The following PRR19 variants were observed in gnomAD, a reference collection of about 807,000 sequenced individuals.
PRR19 encodes proline-rich protein 19.
PRR19 carries 9 observed loss-of-function variants against 19.2 expected under a neutral mutation model. The ratio of observed to expected loss-of-function variants is 0.47; its 90% CI spans 0.28 to 0.82. The LOEUF (loss-of-function observed/expected upper bound fraction) is 0.82. Ranked by LOEUF, PRR19 falls within the 40% of genes least tolerant of loss-of-function variation. The pLI is 0.11. For synonymous variants in PRR19, 190 were observed against 191.0 expected (o/e 0.99, Z 0.04); for missense variants, 457 against 466.0 (o/e 0.98, Z 0.18).
intron 1 of PRR19, chr19:42,306,999 C>T (rs2038714658): frequency 6.6e-6 from 1 of 152,278 alleles, no homozygotes; most frequent in South Asian, 2.1e-4. Context: ...GAGCTGGGGT[C>T]ACCGCGGAAA....
At chr19:42,302,575 G>T (rs757055548) in intron 1 of PRR19, 72 bp downstream of exon 1, 1 of 445,458 alleles carries the variant, frequency 2.2e-6, no homozygotes, top group South Asian at 3.0e-5. Flanking sequence ...CTTCCCGCTC[G>T]GGCCGCTGAC....
At chr19:42,308,359 T>C (rs1053483598) in intron 1 of PRR19, among the ~76,000 whole-genome samples, 10 of 150,542 alleles carry the variant, frequency 6.6e-5, no homozygotes, top group Non-Finnish European at 1.5e-5. Context: ...CCCTAGCAGC[T>C]GGGACTACAG....
Position 42,310,770 on chromosome 19 carries a change from A to G in PRR19, c.*30A>G, listed in dbSNP as rs1309187620. ...AGGCTGAGGCTAGGGCTGGGGACAG[A>G]TATCTTGTACTCCCAGTGACCTCAA... is the stretch of plus-strand genomic sequence containing the variant. On this transcript the variant is annotated 3_prime_UTR_variant, in exon 3 of 3. Transcript: ENST00000341747. The G allele has an allele frequency of 7.0e-7, 1 of 1,426,970 alleles. No homozygotes were observed. The highest frequency in any genetic ancestry group is 1.4e-5 in the South Asian group (1 of 72,530). The allele number at this position is 1,426,970 out of a possible 1,614,324, so 88.4% of individuals were successfully genotyped here.
chr19:42,306,406 C>T (rs2038707101), intron 1 of PRR19, among the ~76,000 whole-genome samples: 1 of 152,068 alleles, frequency 6.6e-6, no homozygotes, highest in Non-Finnish European at 1.5e-5. Context: ...ATCTCCTGAC[C>T]TCGTGATCCG....
chr19:42,310,791 C>T lies in PRR19; in HGVS notation c.*51C>T. 1 of 1,249,432 alleles carries T rather than the reference C, an allele frequency of 8.0e-7. No individual in the cohort carries two copies. Among genetic ancestry groups the T allele is most frequent in the Non-Finnish European group, 1.1e-6 (1 of 895,566 alleles). 77.4% of individuals were successfully genotyped at this position (1,249,432 alleles called of 1,614,324 possible). A position where few individuals can be genotyped will look rare whatever the true frequency, so the allele number is the denominator to read the frequency against. On this transcript the variant is annotated 3_prime_UTR_variant, in exon 3 of 3. Coordinates refer to ENST00000341747, the MANE Select transcript of PRR19 (RefSeq NM_199285.3). ...ACAGATATCTTGTACTCCCAGTGAC[C>T]TCAATAAAGTACTTTTCATGGTCCT... is the stretch of plus-strand genomic sequence containing the variant.
At position 42,309,808 on chromosome 19, in the gene PRR19, G is replaced by A. The variant is rs1313823645; in HGVS notation, c.224G>A (p.Gly75Asp). The A allele has an allele frequency of 1.2e-6, 2 of 1,614,052 alleles. No individual in the cohort carries two copies. Among genetic ancestry groups the A allele is most frequent in the Non-Finnish European group, 8.5e-7 (1 of 1,179,998 alleles). ...GGCCGGCTGAGCCGGGAGCACCGGG[G>A]TCTCTTCAACCACGAGGTGAAATCC... The part of the protein sequence containing the change: ...TQGRLSREHR[G>D]LFNHEVKSLD... Residue 75 changes from glycine to aspartate, a missense_variant, in exon 2 of 3, where the codon GGT (glycine) becomes GAT (aspartate). Gly to Asp is a moderately conservative substitution (Grantham distance 94). Transcript: ENST00000341747.
At chr19:42,303,581 A>T (rs1166009015) in intron 1 of PRR19, 1 of 152,168 alleles carries the variant, frequency 6.6e-6, no homozygotes, top group East Asian at 1.9e-4. Flanking sequence ...CTTCCCATGT[A>T]TTCATTCCTT....
chr19:42,307,994 T>A (rs1290466644), intron 1 of PRR19, among the ~76,000 whole-genome samples: 2 of 151,634 alleles, frequency 1.3e-5, no homozygotes, highest in East Asian at 3.9e-4. Flanking sequence ...CCTGACCTGG[T>A]GATCCGCCCG....
intron 1 of PRR19, among the ~76,000 whole-genome samples, chr19:42,307,283 T>A (rs1011171507): frequency 3.9e-5 from 6 of 152,144 alleles, no homozygotes; most frequent in South Asian, 2.1e-4. Context: ...GCTCTCCCTC[T>A]CCTGCTTCTC....
Position 42,302,249 on chromosome 19 carries a change from C to G in PRR19, c.-261C>G, listed in dbSNP as rs753821031. The G allele has an allele frequency of 2.5e-6, 4 of 1,602,622 alleles. No individual in the cohort carries two copies. The South Asian group carries it at 4.5e-5, about 18-fold the overall frequency. On this transcript the variant is annotated 5_prime_UTR_variant, in exon 1 of 3. Transcript: ENST00000341747. ...ACGCTCACCAGGGACATCCAGCGCC[C>G]GTCGCCCTGTACGTCCTGCACCGGC...
rs142853505 is a variant in PRR19 at position 42,309,663 on chromosome 19, C to T, written c.79C>T (p.Arg27Trp). The change falls in exon 2 of 3, where the codon CGG becomes TGG. Residue 27 changes from arginine (R) to tryptophan (W), a missense_variant. Physicochemically the swap from Arg to Trp is moderately radical, Grantham distance 101. Coordinates refer to ENST00000341747, the MANE Select transcript of PRR19 (RefSeq NM_199285.3). ...PGRVRRRKTRRERNKALVGSR... is the reference protein window; with the variant it reads ...PGRVRRRKTRWERNKALVGSR... ...TCGTGTCCGTCGTCGGAAGACTAGG[C>T]GGGAACGTAACAAGGCCCTGGTGGG... is the stretch of plus-strand genomic sequence containing the variant. The T allele has an allele frequency of 5.7e-6, 9 of 1,592,644 alleles. No homozygotes were observed. The highest frequency in any genetic ancestry group is 1.7e-5 in the Admixed American group (1 of 57,882).
In PRR19 at chr19:42,310,030, C is replaced by T. The variant is rs1308980279; in HGVS notation, c.446C>T (p.Ala149Val). The T allele has an allele frequency of 2.5e-6, 4 of 1,614,040 alleles. No individual in the cohort carries two copies. In the South Asian group the frequency reaches 4.4e-5, roughly 18 times the overall value. The change falls in exon 2 of 3, where the codon GCA becomes GTA. Residue 149 changes from alanine (A) to valine (V), a missense_variant. By Grantham distance (64) the Ala-to-Val change is moderately conservative (BLOSUM62 0). Coordinates refer to ENST00000341747, the MANE Select transcript of PRR19 (RefSeq NM_199285.3). ...TTGTCTGGCGTGGGGCAGCTGCTGGCAGAGCTGCAGTGTCAGCTGAGTTTG... is the reference window on the plus strand; with the variant it reads ...TTGTCTGGCGTGGGGCAGCTGCTGGTAGAGCTGCAGTGTCAGCTGAGTTTG... ...PELSGVGQLL[A>V]ELQCQLSLPQ...
chr19:42,310,145 C>T lies in PRR19; in HGVS notation c.561C>T (p.Asp187=), dbSNP rs1246059305. Residue 187 remains aspartate (D), a synonymous_variant, in exon 2 of 3, where the codon GAC becomes GAT. Coordinates refer to ENST00000341747, the MANE Select transcript of PRR19 (RefSeq NM_199285.3). ...TLQACHGCVP[D]LALVLRGCQP... ...AGGCCTGTCATGGTTGTGTGCCTGA[C>T]CTTGCCCTGGTGCTTCGGGGCTGCC... is the stretch of plus-strand genomic sequence containing the variant. The T allele has an allele frequency of 1.2e-6, 2 of 1,614,074 alleles. No homozygotes were observed. Among genetic ancestry groups the T allele is most frequent in the South Asian group, 2.2e-5 (2 of 91,078 alleles).
At chr19:42,304,958 A>G (rs2038692806) in intron 1 of PRR19, among the ~76,000 whole-genome samples, 1 of 151,828 alleles carries the variant, frequency 6.6e-6, no homozygotes, top group Non-Finnish European at 1.5e-5. Flanking sequence ...CTATAATCCC[A>G]GCACTTTGGG....
At position 42,302,213 on chromosome 19, in the gene PRR19, C is replaced by A. The variant is rs1354696029; in HGVS notation, c.-297C>A. The A allele has an allele frequency of 1.3e-6, 2 of 1,577,732 alleles. No homozygotes were observed. Among genetic ancestry groups the A allele is most frequent in the Non-Finnish European group, 8.6e-7 (1 of 1,161,582 alleles). Reference sequence around the variant, plus strand: ...CCCGCGCCCCCGGACTCCTCAATATCCCAGGTGGGAACGCTCACCAGGGAC... The same window carrying A: ...CCCGCGCCCCCGGACTCCTCAATATACCAGGTGGGAACGCTCACCAGGGAC... On this transcript the variant is annotated 5_prime_UTR_variant, in exon 1 of 3. Coordinates refer to ENST00000341747, the MANE Select transcript of PRR19 (RefSeq NM_199285.3).
Position 42,310,361 on chromosome 19 carries a change from A to C in PRR19, c.692A>C (p.Gln231Pro), listed in dbSNP as rs1301049941. 1.2e-6 allele frequency: 2 copies of C among 1,614,114 alleles called. No homozygotes were observed. Among genetic ancestry groups the C allele is most frequent in the Non-Finnish European group, 8.5e-7 (1 of 1,179,996 alleles). Reference sequence around the variant, plus strand: ...CCAGAGCAGGAGAGGCAAAGGAAGCAACAAGGGACAAAGGAGTTCACCTTC... The same window carrying C: ...CCAGAGCAGGAGAGGCAAAGGAAGCCACAAGGGACAAAGGAGTTCACCTTC... ...QVPEQERQRK[Q>P]QGTKEFTFPM... Residue 231 changes from glutamine to proline, a missense_variant, in exon 3 of 3, where the codon CAA becomes CCA. Coordinates refer to ENST00000341747, the MANE Select transcript of PRR19 (RefSeq NM_199285.3).
Position 42,309,929 on chromosome 19 carries a change from A to T in PRR19, c.345A>T (p.Glu115Asp). 1 of 1,613,836 alleles carries T rather than the reference A, an allele frequency of 6.2e-7. No homozygotes were observed. Among genetic ancestry groups the T allele is most frequent in the African/African-American group, 1.3e-5 (1 of 75,062 alleles). The change falls in exon 2 of 3, where the codon GAA (glutamate) becomes GAT (aspartate). Residue 115 changes from glutamate (E) to aspartate (D), a missense_variant. Physicochemically the swap from Glu to Asp is conservative, Grantham distance 45 (BLOSUM62 2). Coordinates refer to ENST00000341747, the MANE Select transcript of PRR19 (RefSeq NM_199285.3). ...KPSPSPGRAQ[E>D]PAPRSRDKEN... ...CCCCAAGCCCAGGCAGGGCCCAGGA[A>T]CCAGCCCCACGGTCCAGGGACAAAG...
intron 1 of PRR19, among the ~76,000 whole-genome samples, chr19:42,307,292 T>C (rs1276869437): frequency 2.0e-5 from 3 of 152,128 alleles, no homozygotes; most frequent in Non-Finnish European, 4.4e-5. Context: ...CTCCTGCTTC[T>C]CTTTCTCTAC....
chr19:42,310,219 C>A lies in PRR19; in HGVS notation c.601+34C>A, dbSNP rs745871799. On this transcript the variant is annotated intron_variant, in intron 2 of 2. Transcript: ENST00000341747. ...CCCTCCTGCCCCTGTACTCCCCTTT[C>A]CTTTGTCGGCTCTAGCTCAGCTAGC... is the stretch of plus-strand genomic sequence containing the variant. 72 of 1,613,826 alleles carry A rather than the reference C, an allele frequency of 4.5e-5. 1 individual carries two copies. In the Admixed American group the frequency reaches 1.2e-3, roughly 27 times the overall value.
Sources: allele counts gnomAD v4.1 joint callset (sites outside exome capture counted in the v4.1 genomes callset), GRCh38; gene constraint gnomAD v4.1.1; transcripts MANE v1.5; gene names NCBI Gene and HGNC (gene_info 2026-07-23, HGNC 2026-07-21).